Variants in NCOA3 observed in about 807,000 individuals in gnomAD.
The protein encoded by NCOA3 is CBP-interacting protein.
NCOA3 carries 51 observed loss-of-function variants against 158.8 expected under a neutral mutation model. The ratio of observed to expected loss-of-function variants is 0.32; its 90% CI spans 0.26 to 0.41. The LOEUF is 0.41. Ranked by LOEUF, NCOA3 falls within the 10% of genes least tolerant of loss-of-function variation. NCOA3 has a pLI of 1.00. For synonymous variants in NCOA3, 537 were observed against 592.4 expected, an observed-to-expected ratio of 0.91 and a Z score of 1.36; for missense variants, 1,510 against 1,746.6, an observed-to-expected ratio of 0.86 and a Z score of 2.41.
At chr20:47,582,196 TTTAATTAA>T (rs11467310) in intron 1 of NCOA3, among the ~76,000 whole-genome samples, 1 of 151,830 alleles carries the variant, frequency 6.6e-6, no homozygotes, top group South Asian at 2.1e-4. Flanking sequence ...TGACTTTTAT[TTTAATTAA>T]TTAATTAATT....
Position 47,516,430 on chromosome 20 carries a change from G to T in NCOA3, c.-99+14411G>T, listed in dbSNP as rs148786520. 4.5e-3 allele frequency among the ~76,000 whole-genome samples: 682 copies of T among 152,238 alleles called. 6 individuals are homozygous for T. Among genetic ancestry groups the T allele is most frequent in the African/African-American group, 0.016 (644 of 41,538 alleles). ...AATATAGATCAGGACACAGGGAAGA[G>T]AATTTTATTGGAATAAGAGGGTAGA... On this transcript the variant is annotated intron_variant, in intron 1 of 22. Coordinates refer to ENST00000371998, the MANE Select transcript of NCOA3 (RefSeq NM_181659.3).
rs2086334224 is a variant in NCOA3 at position 47,627,071 on chromosome 20, C to G, written c.427C>G (p.Gln143Glu). The G allele has an allele frequency of 6.2e-7, 1 of 1,612,608 alleles. No homozygotes were observed. The highest frequency in any genetic ancestry group is 8.5e-7 in the Non-Finnish European group (1 of 1,178,722). The change falls in exon 6 of 23, where the codon CAA becomes GAA. Residue 143 changes from glutamine to glutamate, a missense_variant. This residue lies in a region of NCOA3 where 309 missense variants were observed against 427.1 expected (regional missense o/e 0.72). Transcript: ENST00000371998. The stretch of plus-strand genomic sequence containing the variant: ...TGTATTTGTATCAGAAAATGTCACA[C>G]AATACCTGCAATATAAGCAAGAGGA... Reference protein sequence around the residue: ...NIVFVSENVTQYLQYKQEDLV... With the variant: ...NIVFVSENVTEYLQYKQEDLV...
chr20:47,633,394 T>TA, intron 8 of NCOA3, 102 bp from the exon 9 acceptor site: 1 of 1,149,778 alleles, frequency 8.7e-7, no homozygotes, highest in Non-Finnish European at 1.2e-6. Context: ...AGCAAAGATT[T>TA]AATATCTTTT....
intron 17 of NCOA3, among the ~76,000 whole-genome samples, chr20:47,645,964 G>A (rs2086679623): frequency 6.6e-6 from 1 of 152,188 alleles, no homozygotes; most frequent in Admixed American, 6.5e-5. Flanking sequence ...CTCTTGGAAA[G>A]GGAGAATGTG....
intron 1 of NCOA3, among the ~76,000 whole-genome samples, chr20:47,556,492 A>G (rs1000702612): frequency 2.0e-5 from 3 of 152,288 alleles, no homozygotes; most frequent in South Asian, 4.1e-4. Flanking sequence ...GGAAGGGTTA[A>G]TGTGCAAAAT....
In NCOA3 at chr20:47,653,478, T is replaced by C. The variant is rs72646208; in HGVS notation, c.*61T>C. 5,774 of 1,567,402 alleles carry C rather than the reference T, an allele frequency of 3.7e-3. 202 individuals carry two copies. In the African/African-American group the frequency reaches 0.068, roughly 19 times the overall value. ...TACAAATGACACTGCACTAGGATTATTGGGAAGGAATCATTGTTCCAGGCA... is the reference window on the plus strand; with the variant it reads ...TACAAATGACACTGCACTAGGATTACTGGGAAGGAATCATTGTTCCAGGCA... On this transcript the variant is annotated 3_prime_UTR_variant, in exon 23 of 23. Transcript: ENST00000371998.
chr20:47,570,939 T>A (rs1079917), intron 1 of NCOA3, among the ~76,000 whole-genome samples: 1 of 114,872 alleles, frequency 8.7e-6, no homozygotes, highest in Non-Finnish European at 1.8e-5. Flanking sequence ...GTAATATATA[T>A]ACACACACAC....
chr20:47,513,554 G>A (rs113236499), intron 1 of NCOA3, among the ~76,000 whole-genome samples: 2 of 151,656 alleles, frequency 1.3e-5, no homozygotes, highest in African/African-American at 4.8e-5. Context: ...GGCAAAATGC[G>A]GTTTCTACTA....
chr20:47,595,835 T>C (rs2085745955), intron 2 of NCOA3, among the ~76,000 whole-genome samples: 1 of 152,176 alleles, frequency 6.6e-6, no homozygotes, highest in Non-Finnish European at 1.5e-5. Flanking sequence ...AGGGATAATA[T>C]TGAACTGTAC....
Position 47,639,095 on chromosome 20 carries a change from G to A in NCOA3, c.2600G>A (p.Ser867Asn), listed in dbSNP as rs2086563745. ...GATAGCCCTGTTTCTGTTGGCTCAA[G>A]TCCTCCAGTAAAAAATATCAGTGCT... Reference protein sequence around the residue: ...SLDSPVSVGSSPPVKNISAFP... With the variant: ...SLDSPVSVGSNPPVKNISAFP... The change falls in exon 14 of 23, where the codon AGT (serine) becomes AAT (asparagine). Residue 867 changes from serine (S) to asparagine (N), a missense_variant. Transcript: ENST00000371998. 1.5e-5 allele frequency: 24 copies of A among 1,614,144 alleles called. No homozygotes were observed. Among genetic ancestry groups the A allele is most frequent in the Non-Finnish European group, 1.9e-5 (23 of 1,180,010 alleles).
chr20:47,545,257 A>G (rs1476444366), intron 1 of NCOA3, among the ~76,000 whole-genome samples: 2 of 145,230 alleles, frequency 1.4e-5, no homozygotes, highest in African/African-American at 5.1e-5. Flanking sequence ...GCTCACTGCA[A>G]CCTCTGTCTT....
intron 2 of NCOA3, among the ~76,000 whole-genome samples, chr20:47,584,683 A>G (rs1391307472): frequency 1.3e-5 from 2 of 151,846 alleles, no homozygotes; most frequent in Non-Finnish European, 2.9e-5. Context: ...GTGGATCATC[A>G]TAAAGGTCTT....
chr20:47,648,603 G>A (rs1483497733), intron 18 of NCOA3, among the ~76,000 whole-genome samples: 4 of 152,112 alleles, frequency 2.6e-5, no homozygotes, highest in Non-Finnish European at 5.9e-5. Context: ...CTCCCAGGTA[G>A]CTGGGACTAC....
intron 1 of NCOA3, among the ~76,000 whole-genome samples, chr20:47,555,325 CTAGAAA>C (rs1158655800): frequency 6.6e-6 from 1 of 152,150 alleles, no homozygotes; most frequent in Non-Finnish European, 1.5e-5. Flanking sequence ...GCAACATGAT[CTAGAAA>C]AAAGAATATT....
At chr20:47,641,756 A>G (rs1029528118) in intron 16 of NCOA3, among the ~76,000 whole-genome samples, 2 of 151,782 alleles carry the variant, frequency 1.3e-5, no homozygotes, top group African/African-American at 2.4e-5. Context: ...CGGCCTCCCA[A>G]AGTGCTGGGA....
At chr20:47,650,009 A>AT (rs537727302) in intron 19 of NCOA3, among the ~76,000 whole-genome samples, 2 of 150,886 alleles carry the variant, frequency 1.3e-5, no homozygotes, top group East Asian at 2.0e-4. Flanking sequence ...ACCCCATCTT[A>AT]TTTTTTTTGG....
intron 1 of NCOA3, among the ~76,000 whole-genome samples, chr20:47,566,445 C>T (rs2085196528): frequency 6.6e-6 from 1 of 152,158 alleles, no homozygotes; most frequent in South Asian, 2.1e-4. Context: ...AATGTTGTAT[C>T]TTAGGAGAGC....
intron 1 of NCOA3, among the ~76,000 whole-genome samples, chr20:47,549,733 C>T (rs1049532098): frequency 2.0e-5 from 3 of 152,116 alleles, no homozygotes; most frequent in East Asian, 1.9e-4. Flanking sequence ...ACAGAGTCTT[C>T]CTCTGTCACC....
At chr20:47,621,925 C>T (rs576281090) in intron 2 of NCOA3, among the ~76,000 whole-genome samples, 2 of 152,212 alleles carry the variant, frequency 1.3e-5, no homozygotes, top group East Asian at 1.9e-4. Flanking sequence ...GATCCACCTG[C>T]CTCGACCTCC....
Sources: gnomAD v4.1 joint callset for allele counts (sites outside exome capture counted in the v4.1 genomes callset) on GRCh38, gnomAD v4.1.1 for gene constraint, gnomAD v4.1.1 regional missense constraint, MANE v1.5 for transcripts, NCBI Gene and HGNC (gene_info 2026-07-23, HGNC 2026-07-21) for gene names.